The following HNRNPF variants were observed in gnomAD, a reference collection of about 807,000 sequenced individuals.
HNRNPF encodes the protein HnRNP F protein.
HNRNPF carries 2 observed loss-of-function variants against 26.0 expected under a neutral mutation model. The observed-to-expected ratio is 0.08, with a 90% confidence interval of 0.03 to 0.24. HNRNPF has a LOEUF of 0.24. HNRNPF is among the 10% of genes least tolerant of loss of function. The probability of loss-of-function intolerance (pLI) is 1.00; values close to 1 mark genes in which losing one functional copy is unlikely to be tolerated. For synonymous variants in HNRNPF, 234 were observed against 211.5 expected, an observed-to-expected ratio of 1.11 and a Z score of -0.92; for missense variants, 299 against 539.2, an observed-to-expected ratio of 0.55 and a Z score of 4.41.
chr10:43,400,468 A>G (rs1838717622), intron 1 of HNRNPF, among the ~76,000 whole-genome samples: 1 of 152,234 alleles, frequency 6.6e-6, no homozygotes, highest in South Asian at 2.1e-4. Context: ...AAAATTCCCC[A>G]TCATGGTATA....
At chr10:43,395,117 G>A (rs1408676101) in intron 2 of HNRNPF, among the ~76,000 whole-genome samples, 1 of 144,002 alleles carries the variant, frequency 6.9e-6, no homozygotes, top group African/African-American at 2.8e-5. Context: ...AGTGCTGGGA[G>A]GAAATTTAAA....
chr10:43,401,694 G>GTAC lies in HNRNPF; in HGVS notation c.-246-5107_-246-5105dup, dbSNP rs533756642. Among the ~76,000 whole-genome samples, 24 of 152,254 alleles carry GTAC rather than the reference G, an allele frequency of 1.6e-4. No homozygotes were observed. The East Asian group carries it at 4.6e-3, about 29-fold the overall frequency. On this transcript the variant is annotated intron_variant, in intron 1 of 3. Transcript: ENST00000682386. ...TTTTGTTTTTCCCAGACCACCTCCT[G>GTAC]TACCTCTCTCCCTTGAGCAAGCAGC...
rs772350069 is a variant in HNRNPF, at chr10:43,387,246, G to C, written c.639C>G (p.Pro213=). ...SVQRPGPYDR[P]GTARRYIGIV... The stretch of plus-strand genomic sequence containing the variant: ...TGCCAATGTACCTCCTGGCAGTCCC[G>C]GGCCGGTCATAGGGCCCTGGCCGCT... Residue 213 remains proline, a synonymous_variant, in exon 4 of 4, where the codon CCC becomes CCG. Transcript: ENST00000682386. The surrounding 1 kb of genome is among the most constrained non-coding windows in gnomAD (Gnocchi z 6.0). The C allele has an allele frequency of 1.2e-6, 2 of 1,614,184 alleles. No individual in the cohort carries two copies. The highest frequency in any genetic ancestry group is 1.7e-6 in the Non-Finnish European group (2 of 1,180,026).
rs1838267246 is a variant in HNRNPF at position 43,391,978 on chromosome 10, T to G, written c.-53+2652A>C. ...CATGATCAAGGCCACGTGTGGTGGC[T>G]CACCGCCTGTAATCCCAGCACTTTA... On this transcript the variant is annotated intron_variant, in intron 3 of 3. Coordinates refer to ENST00000682386, the MANE Select transcript of HNRNPF (RefSeq NM_001098204.2). 2.0e-5 allele frequency among the ~76,000 whole-genome samples: 3 copies of G among 152,124 alleles called. No homozygotes were observed. In the South Asian group the frequency reaches 6.2e-4, roughly 32 times the overall value.
At chr10:43,402,489 A>T (rs777222844) in intron 1 of HNRNPF, among the ~76,000 whole-genome samples, 10 of 152,166 alleles carry the variant, frequency 6.6e-5, no homozygotes, top group Non-Finnish European at 1.3e-4. Context: ...AACCCTATCA[A>T]CACCCTCATC....
At chr10:43,393,317 C>T (rs964215220) in intron 3 of HNRNPF, among the ~76,000 whole-genome samples, 3 of 152,252 alleles carry the variant, frequency 2.0e-5, no homozygotes, top group South Asian at 2.1e-4. Context: ...AAGCATAGGC[C>T]GGGCGCAGTG....
intron 3 of HNRNPF, among the ~76,000 whole-genome samples, chr10:43,389,756 G>A (rs541029369): frequency 4.6e-5 from 7 of 152,282 alleles, no homozygotes; most frequent in Admixed American, 1.3e-4. Context: ...ACTGTGATTT[G>A]GAATGCAAGG....
Position 43,386,478 on chromosome 10 carries a change from T to G in HNRNPF, c.*159A>C, listed in dbSNP as rs1838027382. 1 of 654,166 alleles carries G rather than the reference T, an allele frequency of 1.5e-6. No homozygotes were observed. The highest frequency in any genetic ancestry group is 2.9e-5 in the Admixed American group (1 of 34,764). The allele number at this position is 654,166 out of a possible 1,614,324, so 40.5% of individuals were successfully genotyped here. A position where few individuals can be genotyped will look rare whatever the true frequency, so the allele number is the denominator to read the frequency against. On this transcript the variant is annotated 3_prime_UTR_variant, in exon 4 of 4. Coordinates refer to ENST00000682386, the MANE Select transcript of HNRNPF (RefSeq NM_001098204.2). ...CATTATCACATGCTAGAAGAAAATT[T>G]TGCATGAGAAAACACTGAAGAGGTA...
intron 3 of HNRNPF, among the ~76,000 whole-genome samples, chr10:43,390,533 T>A (rs931839424): frequency 6.6e-6 from 1 of 152,116 alleles, no homozygotes; most frequent in Non-Finnish European, 1.5e-5. Flanking sequence ...ACAACTGCTA[T>A]CCCCCTCCTT....
chr10:43,402,035 GT>G (rs1338989284), intron 1 of HNRNPF, among the ~76,000 whole-genome samples: 2 of 151,808 alleles, frequency 1.3e-5, no homozygotes, highest in Non-Finnish European at 2.9e-5. Context: ...CACACCTCAG[GT>G]TTCAGGGAAC....
intron 1 of HNRNPF, among the ~76,000 whole-genome samples, chr10:43,408,390 C>T (rs1055875860): frequency 2.0e-5 from 3 of 152,210 alleles, no homozygotes; most frequent in Non-Finnish European, 2.9e-5. Flanking sequence ...CCAGTGGGTC[C>T]AGTTCTTGCC....
intron 2 of HNRNPF, among the ~76,000 whole-genome samples, chr10:43,395,613 CATTT>C (rs1588993239): frequency 1.3e-5 from 2 of 152,158 alleles, no homozygotes; most frequent in African/African-American, 4.8e-5. Context: ...GAAAGCATTA[CATTT>C]ATTAGGAAAC....
intron 3 of HNRNPF, among the ~76,000 whole-genome samples, chr10:43,389,009 C>T (rs915749201): frequency 2.1e-5 from 3 of 144,818 alleles, no homozygotes; most frequent in East Asian, 2.0e-4. Context: ...GTCTCACTGT[C>T]GCCCAGGCTG....
At chr10:43,404,328 A>T (rs566713853) in intron 1 of HNRNPF, among the ~76,000 whole-genome samples, 2 of 151,982 alleles carry the variant, frequency 1.3e-5, no homozygotes, top group African/African-American at 2.4e-5. Flanking sequence ...GAAAACAAAA[A>T]CAAAAGTACA....
At chr10:43,397,659 ATTTT>A (rs1013650033) in intron 1 of HNRNPF, among the ~76,000 whole-genome samples, 2 of 152,196 alleles carry the variant, frequency 1.3e-5, no homozygotes, top group South Asian at 2.1e-4. Flanking sequence ...TTGAAAAAAA[ATTTT>A]TTTAACGCAA....
At chr10:43,402,874 C>G (rs1215452269) in intron 1 of HNRNPF, among the ~76,000 whole-genome samples, 1 of 149,748 alleles carries the variant, frequency 6.7e-6, no homozygotes, top group Non-Finnish European at 1.5e-5. Flanking sequence ...ATCTGTCATG[C>G]CTTTTCTTAA....
intron 1 of HNRNPF, among the ~76,000 whole-genome samples, chr10:43,398,958 C>T (rs1419726307): frequency 6.6e-6 from 1 of 152,194 alleles, no homozygotes; most frequent in Non-Finnish European, 1.5e-5. Context: ...CCAGTCCTAC[C>T]TCAGAATAGT....
At chr10:43,399,550 C>T (rs1838687013) in intron 1 of HNRNPF, among the ~76,000 whole-genome samples, 1 of 152,046 alleles carries the variant, frequency 6.6e-6, no homozygotes, top group Non-Finnish European at 1.5e-5. Context: ...TGTTCAAAGG[C>T]CAGTGGGAAG....
intron 3 of HNRNPF, among the ~76,000 whole-genome samples, chr10:43,388,304 G>T (rs1025208589): frequency 2.6e-5 from 4 of 152,128 alleles, no homozygotes; most frequent in African/African-American, 9.7e-5. Flanking sequence ...CTTACATTTG[G>T]TAAAATAGTA....
Sources: allele counts gnomAD v4.1 joint callset (sites outside exome capture counted in the v4.1 genomes callset), GRCh38; gene constraint gnomAD v4.1.1; non-coding constraint Gnocchi (gnomAD v3.1); transcripts MANE v1.5; gene names NCBI Gene and HGNC (gene_info 2026-07-23, HGNC 2026-07-21).